OTOP1: variants seen among roughly 807,000 people sequenced by gnomAD.
OTOP1 encodes proton channel OTOP1.
A neutral mutation model predicts 52.9 loss-of-function variants in OTOP1; 59 were observed. That is an observed-to-expected ratio of 1.12 (90% CI 0.91 to 1.39). The LOEUF is 1.39. Ranked by LOEUF, OTOP1 falls within the 40% of genes most tolerant of loss-of-function variation. The probability of loss-of-function intolerance (pLI) is 0.00; values close to 1 mark genes in which losing one functional copy is unlikely to be tolerated. For synonymous variants in OTOP1, 317 were observed against 337.7 expected, an observed-to-expected ratio of 0.94 and a Z score of 0.67; for missense variants, 761 against 800.9, an observed-to-expected ratio of 0.95 and a Z score of 0.60.
intron 1 of OTOP1, among the ~76,000 whole-genome samples, chr4:4,217,227 A>T (rs1184557343): frequency 1.3e-5 from 2 of 152,228 alleles, no homozygotes; most frequent in Non-Finnish European, 2.9e-5. Flanking sequence ...ACTATGCATG[A>T]GGCATTGTGT....
intron 1 of OTOP1, among the ~76,000 whole-genome samples, chr4:4,222,061 A>C (rs555801076): frequency 2.0e-5 from 3 of 152,056 alleles, no homozygotes; most frequent in African/African-American, 7.2e-5. Context: ...CAATCATTCA[A>C]TTATTTAGTA....
intron 3 of OTOP1, among the ~76,000 whole-genome samples, chr4:4,204,945 T>C (rs954691342): frequency 5.3e-5 from 8 of 152,112 alleles, no homozygotes; most frequent in African/African-American, 1.4e-4. Context: ...TAATTTTTTT[T>C]GTATTTTTAG....
In OTOP1 at chr4:4,197,675, G is replaced by C. The variant is rs367576928; in HGVS notation, c.1159C>G (p.Arg387Gly). Residue 387 changes from arginine (R) to glycine (G), a missense_variant, in exon 5 of 6, where the codon CGC (arginine) becomes GGC (glycine). This residue lies in a region of OTOP1 where 632 missense variants were observed against 619.5 expected (regional missense o/e 1.02). Transcript: ENST00000296358. ...ACCAAGAGGTCCGAGTCCAGTTTGC[G>C]GGCCGGATTTTTGGACTCATCCAGT... ...KSLDESKNPA[R>G]KLDSDLLVGT... 12 of 1,613,600 alleles carry C rather than the reference G, an allele frequency of 7.4e-6. No individual in the cohort carries two copies. The highest frequency in any genetic ancestry group is 1.7e-5 in the Admixed American group (1 of 59,984).
Position 4,197,401 on chromosome 4 carries a change from C to T in OTOP1, c.1433G>A (p.Cys478Tyr), listed in dbSNP as rs758039405. The T allele has an allele frequency of 8.7e-6, 14 of 1,613,954 alleles. No individual in the cohort carries two copies. In the African/African-American group the frequency reaches 1.6e-4, roughly 18 times the overall value. ...NGNTMPLASS[C>Y]PKSGGVARDV... ...TCTGGCCACACCTCCACTCTTGGGG[C>T]AGGAAGAAGCAAGGGGCATGGTGTT... The change falls in exon 5 of 6, where the codon TGC (cysteine) becomes TAC (tyrosine). Residue 478 changes from cysteine (C) to tyrosine (Y), a missense_variant. Transcript: ENST00000296358.
intron 1 of OTOP1, 84 bp from the exon 2 acceptor site, chr4:4,213,088 G>C: frequency 1.3e-6 from 2 of 1,496,166 alleles, no homozygotes; most frequent in Non-Finnish European, 1.8e-6. Flanking sequence ...ATTATATTGT[G>C]TATTAAACCC....
intron 5 of OTOP1, among the ~76,000 whole-genome samples, chr4:4,195,946 C>G (rs184996154): frequency 2.6e-5 from 4 of 152,212 alleles, no homozygotes; most frequent in African/African-American, 9.6e-5. Context: ...TCTTTAGTAC[C>G]CTGCCCAGCC....
At chr4:4,191,251 C>G (rs1716498082) in intron 5 of OTOP1, among the ~76,000 whole-genome samples, 1 of 152,180 alleles carries the variant, frequency 6.6e-6, no homozygotes, top group Non-Finnish European at 1.5e-5. Flanking sequence ...GTGGCTCTCT[C>G]TCTCCACCTG....
intron 1 of OTOP1, among the ~76,000 whole-genome samples, chr4:4,218,291 C>T (rs763029365): frequency 2.6e-5 from 4 of 151,118 alleles, no homozygotes; most frequent in Admixed American, 1.3e-4. Flanking sequence ...ACTTGGGAGG[C>T]TGAGGCAGGA....
chr4:4,220,036 TGTATACATATATAC>T (rs1227391003), intron 1 of OTOP1, among the ~76,000 whole-genome samples: 2 of 66,378 alleles, frequency 3.0e-5, no homozygotes, highest in African/African-American at 9.2e-5. Context: ...TACGTATATA[TGTATACATATATAC>T]ATATACGTGT....
In OTOP1 at chr4:4,208,915, G is replaced by A. The variant is rs568655420; in HGVS notation, c.541-2785C>T. On this transcript the variant is annotated intron_variant, in intron 2 of 5. Coordinates refer to ENST00000296358, the MANE Select transcript of OTOP1 (RefSeq NM_177998.3). ...CATTCGGTGAGGGAAGGGTAAGGAGGAGCTGTTATTAGAAAAGAGAAATTT... is the reference window on the plus strand; with the variant it reads ...CATTCGGTGAGGGAAGGGTAAGGAGAAGCTGTTATTAGAAAAGAGAAATTT... 1.4e-3 allele frequency among the ~76,000 whole-genome samples: 214 copies of A among 152,282 alleles called. 1 individual carries two copies. The highest frequency in any genetic ancestry group is 2.6e-3 in the Non-Finnish European group (179 of 68,030).
chr4:4,217,651 T>A (rs111609471), intron 1 of OTOP1, among the ~76,000 whole-genome samples: 1 of 151,902 alleles, frequency 6.6e-6, no homozygotes, highest in Admixed American at 6.6e-5. Flanking sequence ...ATAGTAAACA[T>A]ATAAAGAATG....
At chr4:4,196,910 A>C (rs747809374) in intron 5 of OTOP1, among the ~76,000 whole-genome samples, 2 of 152,162 alleles carry the variant, frequency 1.3e-5, no homozygotes, top group Non-Finnish European at 2.9e-5. Context: ...GGAGCTTAAC[A>C]TTGGGTACTC....
In OTOP1 at chr4:4,188,967, T is replaced by A. The variant is rs749640790; in HGVS notation, c.1675A>T (p.Ile559Leu). 3.1e-6 allele frequency: 5 copies of A among 1,610,834 alleles called. No homozygotes were observed. The highest frequency in any genetic ancestry group is 4.2e-6 in the Non-Finnish European group (5 of 1,178,650). The change falls in exon 6 of 6, where the codon ATA becomes TTA. Residue 559 changes from isoleucine (I) to leucine (L), a missense_variant. Ile to Leu is a conservative substitution (Grantham distance 5). Around this residue, in one of 3 missense-constraint regions of OTOP1, gnomAD observed 632 missense variants for 619.5 expected, o/e 1.02. Transcript: ENST00000296358. ...GGTCGACAGCCAAAGGCGGGAGGTA[T>A]CCAAAGCTGCAAGAGAAGAGAAAAT... ...FLFLCNISLWIPPAFGCRPEY... is the reference protein window; with the variant it reads ...FLFLCNISLWLPPAFGCRPEY...
At chr4:4,207,959 CTTTT>C (rs947684495) in intron 2 of OTOP1, among the ~76,000 whole-genome samples, 4 of 152,128 alleles carry the variant, frequency 2.6e-5, no homozygotes, top group African/African-American at 7.2e-5. Flanking sequence ...TGGTTGCATT[CTTTT>C]GAGTCTTTGA....
At position 4,226,748 on chromosome 4, in the gene OTOP1, CG is replaced by C; in HGVS notation, c.116del (p.Pro39ArgfsTer23). 1 of 1,391,546 alleles carries C rather than the reference CG, an allele frequency of 7.2e-7. No individual in the cohort carries two copies. Among genetic ancestry groups the C allele is most frequent in the South Asian group, 1.6e-5 (1 of 61,998 alleles). 86.2% of individuals were successfully genotyped at this position (1,391,546 alleles called of 1,614,324 possible). On this transcript the variant is annotated frameshift_variant, in exon 1 of 6. Transcript: ENST00000296358. LOFTEE classifies it high-confidence loss of function. ...SPPSSSAPRS[P>X]ESPAPRRGGV... ...CGCCCCGCCGGGGGGCCGGGGATTCCGGGGACCTCGGGGCCGAGGACGAGGG... is the reference window on the plus strand; with the variant it reads ...CGCCCCGCCGGGGGGCCGGGGATTCCGGGACCTCGGGGCCGAGGACGAGGG...
chr4:4,199,420 T>C (rs1486848771), intron 4 of OTOP1, among the ~76,000 whole-genome samples: 1 of 151,990 alleles, frequency 6.6e-6, no homozygotes, highest in Non-Finnish European at 1.5e-5. Flanking sequence ...TGTTTTGTGT[T>C]TTGTTTGTTT....
intron 3 of OTOP1, among the ~76,000 whole-genome samples, chr4:4,203,185 CAA>C (rs1560207340): frequency 6.6e-6 from 1 of 152,230 alleles, no homozygotes; most frequent in African/African-American, 2.4e-5. Flanking sequence ...ACAAAAGAAA[CAA>C]GAATAAGAAA....
At chr4:4,193,187 T>C (rs1460579063) in intron 5 of OTOP1, among the ~76,000 whole-genome samples, 1 of 152,178 alleles carries the variant, frequency 6.6e-6, no homozygotes, top group African/African-American at 2.4e-5. Context: ...CTCTGCTCTG[T>C]GCTCCCAGGT....
At chr4:4,194,680 G>A (rs1398799053) in intron 5 of OTOP1, among the ~76,000 whole-genome samples, 1 of 152,182 alleles carries the variant, frequency 6.6e-6, no homozygotes, top group Non-Finnish European at 1.5e-5. Flanking sequence ...GAGCTGCTAG[G>A]GCAACAGAGA....
Sources: gnomAD v4.1 joint callset for allele counts (sites outside exome capture counted in the v4.1 genomes callset) on GRCh38, gnomAD v4.1.1 for gene constraint, gnomAD v4.1.1 regional missense constraint, MANE v1.5 for transcripts, NCBI Gene and HGNC (gene_info 2026-07-23, HGNC 2026-07-21) for gene names.